The following MGAT4C variants were observed in gnomAD, a reference collection of about 807,000 sequenced individuals.
The protein encoded by MGAT4C is alpha-1,3-mannosyl-glycoprotein 4-beta-N-acetylglucosaminyltransferase C.
MGAT4C carries 19 observed loss-of-function variants against 40.1 expected under a neutral mutation model. The observed-to-expected ratio is 0.47, with a 90% CI of 0.33 to 0.70. The LOEUF is 0.70. Among genes scored for constraint, MGAT4C ranks in the 30% least tolerant of loss-of-function variants. MGAT4C has a pLI of 0.02. For missense variants in MGAT4C, 491 were observed against 563.2 expected, an observed-to-expected ratio of 0.87 and a Z score of 1.30; for synonymous variants, 181 against 187.1, an observed-to-expected ratio of 0.97 and a Z score of 0.27.
intron 1 of MGAT4C, among the ~76,000 whole-genome samples, chr12:86,758,193 C>A (rs950022619): frequency 6.6e-6 from 1 of 152,126 alleles, no homozygotes; most frequent in African/African-American, 2.4e-5. Context: ...TGGCCTTACA[C>A]TGGTGTCACA....
chr12:86,397,833 C>T (rs1323869619), intron 3 of MGAT4C, among the ~76,000 whole-genome samples: 6 of 152,094 alleles, frequency 3.9e-5, no homozygotes, highest in South Asian at 4.1e-4. Context: ...TATGGTGGAG[C>T]GTGCCCGTAG....
At chr12:86,041,602 G>A (rs1284963433) in intron 2 of MGAT4C, among the ~76,000 whole-genome samples, 2 of 152,082 alleles carry the variant, frequency 1.3e-5, no homozygotes, top group Non-Finnish European at 2.9e-5. Context: ...GGATTAGGTT[G>A]TTTAATTTCC....
chr12:86,604,851 G>A (rs1961989792), intron 2 of MGAT4C, among the ~76,000 whole-genome samples: 1 of 152,032 alleles, frequency 6.6e-6, no homozygotes. Context: ...AAAAGCTTCG[G>A]TTCTCATCTT....
intron 1 of MGAT4C, among the ~76,000 whole-genome samples, chr12:86,203,175 C>A (rs1345194568): frequency 6.6e-6 from 1 of 151,984 alleles, no homozygotes; most frequent in Non-Finnish European, 1.5e-5. Flanking sequence ...CCTAACAGAT[C>A]TTCTGTATTT....
intron 4 of MGAT4C, among the ~76,000 whole-genome samples, chr12:86,317,849 G>T (rs965594150): frequency 3.3e-5 from 5 of 150,980 alleles, no homozygotes; most frequent in Non-Finnish European, 7.4e-5. Flanking sequence ...TTAGCGGAAG[G>T]ATTTTCAAAG....
chr12:86,830,716 GAAACAAACAAAC>G (rs3050182), intron 1 of MGAT4C, among the ~76,000 whole-genome samples: 32,611 of 149,604 alleles, frequency 0.22, 3,642 homozygotes, highest in Middle Eastern at 0.37. Context: ...GGCTCCTAAT[GAAACAAACAAAC>G]AAACAAACAA....
At chr12:86,116,334 C>T (rs943989189) in intron 1 of MGAT4C, among the ~76,000 whole-genome samples, 10 of 151,876 alleles carry the variant, frequency 6.6e-5, no homozygotes, top group African/African-American at 2.4e-4. Context: ...TCAGAAGTTG[C>T]TGCAGTAAGT....
chr12:86,207,111 CTTTTTTTTTTTTT>C (rs1349511524), intron 1 of MGAT4C, among the ~76,000 whole-genome samples: 1 of 148,108 alleles, frequency 6.8e-6, no homozygotes, highest in African/African-American at 2.5e-5. Flanking sequence ...CCTTTTTTTT[CTTTTTTTTTTTTT>C]AGCTCGCTTA....
At chr12:86,205,999 T>C (rs1021761241) in intron 1 of MGAT4C, among the ~76,000 whole-genome samples, 2 of 151,930 alleles carry the variant, frequency 1.3e-5, no homozygotes, top group African/African-American at 2.4e-5. Context: ...ATTTAGATTA[T>C]GTGGGCAGGT....
intron 2 of MGAT4C, among the ~76,000 whole-genome samples, chr12:86,700,707 A>G (rs1311687798): frequency 6.6e-6 from 1 of 152,154 alleles, no homozygotes; most frequent in African/African-American, 2.4e-5. Context: ...GAATGCCTCA[A>G]TAATTAAAAC....
At chr12:86,517,345 C>T (rs533012458) in intron 2 of MGAT4C, among the ~76,000 whole-genome samples, 1 of 151,796 alleles carries the variant, frequency 6.6e-6, no homozygotes, top group Non-Finnish European at 1.5e-5. Flanking sequence ...ATATACTGAA[C>T]ACAAAATGGA....
chr12:86,353,072 A>G (rs966858666), intron 3 of MGAT4C, among the ~76,000 whole-genome samples: 2 of 151,094 alleles, frequency 1.3e-5, no homozygotes, highest in African/African-American at 4.8e-5. Context: ...TATAAAAAAA[A>G]AGAAAGAGAT....
At chr12:86,284,657 T>G (rs550547092) in intron 4 of MGAT4C, among the ~76,000 whole-genome samples, 6 of 152,040 alleles carry the variant, frequency 3.9e-5, no homozygotes, top group African/African-American at 1.4e-4. Flanking sequence ...CCATGAAAAA[T>G]CATTTGTCTG....
intron 1 of MGAT4C, among the ~76,000 whole-genome samples, chr12:86,181,566 G>A (rs1888124872): frequency 6.6e-6 from 1 of 152,216 alleles, no homozygotes; most frequent in South Asian, 2.1e-4. Context: ...AGGATCCTAA[G>A]TATATCAATC....
chr12:86,711,120 C>A (rs1266949726), intron 2 of MGAT4C, among the ~76,000 whole-genome samples: 2 of 152,070 alleles, frequency 1.3e-5, no homozygotes, highest in African/African-American at 4.8e-5. Context: ...ACCAAAATCT[C>A]AGAAATCACC....
intron 1 of MGAT4C, among the ~76,000 whole-genome samples, chr12:86,799,471 CT>C (rs1952186784): frequency 1.3e-5 from 2 of 151,758 alleles, no homozygotes; most frequent in African/African-American, 4.8e-5. Context: ...GTTACAAATA[CT>C]TTCTATCTCA....
intron 2 of MGAT4C, among the ~76,000 whole-genome samples, chr12:86,646,718 C>G (rs978758565): frequency 2.0e-5 from 3 of 151,918 alleles, no homozygotes; most frequent in Admixed American, 6.6e-5. Flanking sequence ...ACATGTTTCT[C>G]TCATACCAGT....
intron 4 of MGAT4C, among the ~76,000 whole-genome samples, chr12:86,330,673 C>G (rs1954643061): frequency 6.6e-6 from 1 of 152,118 alleles, no homozygotes; most frequent in African/African-American, 2.4e-5. Flanking sequence ...ATCTGGTTTT[C>G]ATTATCTGAT....
intron 4 of MGAT4C, among the ~76,000 whole-genome samples, chr12:86,275,770 T>C (rs111893204): frequency 1.5e-3 from 232 of 151,892 alleles, no homozygotes; most frequent in African/African-American, 5.3e-3. Flanking sequence ...AACATAGCAG[T>C]GCTGACCTGT....
Sources: gnomAD v4.1 joint callset for allele counts (sites outside exome capture counted in the v4.1 genomes callset) on GRCh38, gnomAD v4.1.1 for gene constraint, MANE v1.5 for transcripts, NCBI Gene and HGNC (gene_info 2026-07-23, HGNC 2026-07-21) for gene names.